KDM2B: variants seen among roughly 807,000 people sequenced by gnomAD.
The protein encoded by KDM2B is lysine demethylase 2B, also known as lysine-specific demethylase 2B.
Under a neutral mutation model 150.0 loss-of-function variants are expected in KDM2B, and 26 were observed. That is an observed-to-expected ratio of 0.17 (90% CI 0.13 to 0.24). The LOEUF is 0.24. KDM2B is among the 10% of genes least tolerant of loss of function. The pLI is 1.00. For missense variants in KDM2B, 1,265 were observed against 1,816.9 expected (o/e 0.70, Z 5.52); for synonymous variants, 734 against 729.5 (o/e 1.01, Z -0.10).
intron 13 of KDM2B, among the ~76,000 whole-genome samples, chr12:121,446,212 G>A (rs60824988): frequency 0.1 from 15,933 of 152,170 alleles, 2,235 homozygotes; most frequent in African/African-American, 0.31. Flanking sequence ...CGGCTACCAC[G>A]GTGAAACCCC....
At chr12:121,473,839 A>C (rs533951850) in intron 12 of KDM2B, among the ~76,000 whole-genome samples, 110 of 152,320 alleles carry the variant, frequency 7.2e-4, no homozygotes, top group African/African-American at 2.5e-3. Flanking sequence ...TCAAATATCC[A>C]TTTGATTTGT....
At chr12:121,496,800 A>ATAG (rs1884002263) in intron 11 of KDM2B, among the ~76,000 whole-genome samples, 2 of 130,360 alleles carry the variant, frequency 1.5e-5, no homozygotes, top group African/African-American at 5.8e-5. Context: ...TGGGATTGCG[A>ATAG]GTGTGAGCCT....
chr12:121,474,658 T>C (rs1360933547), intron 12 of KDM2B, among the ~76,000 whole-genome samples: 1 of 152,164 alleles, frequency 6.6e-6, no homozygotes, highest in Non-Finnish European at 1.5e-5. Context: ...TTTCTATGCT[T>C]AGATACAAAA....
At chr12:121,559,961 G>C (rs1890220671) in intron 4 of KDM2B, among the ~76,000 whole-genome samples, 10 of 151,506 alleles carry the variant, frequency 6.6e-5, no homozygotes, top group Admixed American at 5.9e-4. Flanking sequence ...GTAGAAATTT[G>C]ATCATTGAAA....
At chr12:121,541,934 C>G (rs1400454013) in intron 6 of KDM2B, among the ~76,000 whole-genome samples, 4 of 152,204 alleles carry the variant, frequency 2.6e-5, no homozygotes, top group African/African-American at 4.8e-5. Flanking sequence ...TGTCATAGAA[C>G]TAGGCAACTG....
rs1236950636 is a variant in KDM2B, at chr12:121,453,705, G to A, written c.1735-361C>T. 6.6e-6 allele frequency among the ~76,000 whole-genome samples: 1 copy of A among 152,138 alleles called. No homozygotes were observed. The highest frequency in any genetic ancestry group is 1.5e-5 in the Non-Finnish European group (1 of 68,028). ...AGGATGGCAGCACATACCAGGAGCT[G>A]GAGGCGCGGGGAAGGACCCTCCCCT... On this transcript the variant is annotated intron_variant, in intron 12 of 22. Transcript: ENST00000377071. The surrounding 1 kb of genome is among the most constrained non-coding windows in gnomAD (Gnocchi z 6.4).
chr12:121,442,071 A>G lies in KDM2B; in HGVS notation c.3284+86T>C, dbSNP rs1347561936. The G allele has an allele frequency of 9.0e-7, 1 of 1,114,648 alleles. No homozygotes were observed. The highest frequency in any genetic ancestry group is 1.5e-5 in the African/African-American group (1 of 64,892). 69.0% of individuals were successfully genotyped at this position (1,114,648 alleles called of 1,614,324 possible). Reference sequence around the variant, plus strand: ...GCCATACTGGGGTTTGGAAGGAAAGAGCATCGCCAGCGACTCCACACACCA... The same window carrying G: ...GCCATACTGGGGTTTGGAAGGAAAGGGCATCGCCAGCGACTCCACACACCA... On this transcript the variant is annotated intron_variant, in intron 19 of 22. Coordinates refer to ENST00000377071, the MANE Select transcript of KDM2B (RefSeq NM_032590.5). This position sits in a 1 kb window ranked among gnomAD's most constrained non-coding sequence, Gnocchi z 7.7.
the KDM2B span, among the ~76,000 whole-genome samples, chr12:121,413,434 C>T: frequency 2.5e-4 from 25 of 100,800 alleles, no homozygotes; most frequent in East Asian, 4.9e-3. Context: ...TTTTTTGAGA[C>T]GGAGTTTTGC....
In KDM2B at chr12:121,513,051, CCA is replaced by C. The variant is rs375493519; in HGVS notation, c.1174+223_1174+224del. ...CATCTACACAGCCATGGGCTGGAGG[CCA>C]CACACGTGACTCTTTTGGGGATCCG... On this transcript the variant is annotated intron_variant, in intron 10 of 22. Coordinates refer to ENST00000377071, the MANE Select transcript of KDM2B (RefSeq NM_032590.5). This position sits in a 1 kb window ranked among gnomAD's most constrained non-coding sequence, Gnocchi z 5.0. 1.1e-3 allele frequency among the ~76,000 whole-genome samples: 167 copies of C among 152,386 alleles called. 1 individual carries two copies. In the South Asian group the frequency reaches 0.026, roughly 24 times the overall value.
intron 11 of KDM2B, among the ~76,000 whole-genome samples, chr12:121,503,661 T>G (rs1884798316): frequency 6.7e-6 from 1 of 150,170 alleles, no homozygotes. Flanking sequence ...TGCTGAGAGG[T>G]GAGAAGGGGG....
chr12:121,426,452 C>CTTTT (rs138972284), downstream of KDM2B, among the ~76,000 whole-genome samples: 1 of 125,744 alleles, frequency 8.0e-6, no homozygotes, highest in African/African-American at 3.4e-5. Context: ...CCTCCCCCCC[C>CTTTT]TTTTTTTTTT....
intron 11 of KDM2B, among the ~76,000 whole-genome samples, chr12:121,500,560 T>C (rs1884441480): frequency 6.6e-6 from 1 of 152,154 alleles, no homozygotes; most frequent in Non-Finnish European, 1.5e-5. Context: ...ATGCCATGAC[T>C]AAAAATATCC....
At position 121,467,619 on chromosome 12, in the gene KDM2B, C is replaced by CGGCCT. The variant is rs1284065326; in HGVS notation, c.1735-14280_1735-14276dup. ...GGCGTGCCCCGCGCCCCGCCCGGCC[C>CGGCCT]GGCCTGGCCCGCGCGCCGCGGGATG... On this transcript the variant is annotated intron_variant, in intron 12 of 22. Transcript: ENST00000377071. This position sits in a 1 kb window ranked among gnomAD's most constrained non-coding sequence, Gnocchi z 5.1. 1.3e-5 allele frequency: 2 copies of CGGCCT among 150,018 alleles called. No homozygotes were observed. The highest frequency in any genetic ancestry group is 2.0e-4 in the East Asian group (1 of 5,116). 9.3% of individuals were successfully genotyped at this position (150,018 alleles called of 1,614,324 possible). A position where few individuals can be genotyped will look rare whatever the true frequency, so the allele number is the denominator to read the frequency against.
At position 121,520,352 on chromosome 12, in the gene KDM2B, C is replaced by G. The variant is rs1312036209; in HGVS notation, c.1047+633G>C. 6.6e-6 allele frequency among the ~76,000 whole-genome samples: 1 copy of G among 152,118 alleles called. No homozygotes were observed. Among genetic ancestry groups the G allele is most frequent in the African/African-American group, 2.4e-5 (1 of 41,406 alleles). On this transcript the variant is annotated intron_variant, in intron 9 of 22. Coordinates refer to ENST00000377071, the MANE Select transcript of KDM2B (RefSeq NM_032590.5). The surrounding 1 kb of genome is among the most constrained non-coding windows in gnomAD (Gnocchi z 4.5). The stretch of plus-strand genomic sequence containing the variant: ...ACACATCAGTTACCTAAGCCTCCGC[C>G]CATGTTCGTAGGACATGGGGTGAGT...
intron 20 of KDM2B, 36 bp from the exon 21 acceptor site, chr12:121,441,013 T>G (rs1181349784): frequency 6.2e-7 from 1 of 1,612,436 alleles, no homozygotes; most frequent in African/African-American, 1.3e-5. Context: ...GGTCAGGGGA[T>G]GTGTCCCCAG....
the KDM2B span, chr12:121,419,979 C>G: frequency 2.9e-6 from 1 of 346,480 alleles, no homozygotes; most frequent in African/African-American, 2.1e-5. Flanking sequence ...ATGGGACCTT[C>G]CTGAGAGAGT....
intron 13 of KDM2B, among the ~76,000 whole-genome samples, chr12:121,446,230 C>CTAAAAA (rs1876212757): frequency 6.6e-6 from 1 of 152,212 alleles, no homozygotes; most frequent in Non-Finnish European, 1.5e-5. Flanking sequence ...CCCGTCTCTA[C>CTAAAAA]TAAAAATACA....
chr12:121,473,330 T>G lies in KDM2B; in HGVS notation c.1735-19986A>C, dbSNP rs181486883. Among the ~76,000 whole-genome samples the G allele has an allele frequency of 4.1e-4, 61 of 150,402 alleles. 1 individual carries two copies. In the East Asian group the frequency reaches 0.011, roughly 27 times the overall value. The stretch of plus-strand genomic sequence containing the variant: ...TCGCTTGAACCTGGGAGACGGAGGT[T>G]GCAGTGAGCCGAGATGGCACCACTG... On this transcript the variant is annotated intron_variant, in intron 12 of 22. Transcript: ENST00000377071.
rs527606589 is a variant in KDM2B, at chr12:121,516,416, T to A, written c.1048-3014A>T. 7.6e-4 allele frequency: 807 copies of A among 1,068,014 alleles called. 2 individuals carry two copies. Among genetic ancestry groups the A allele is most frequent in the Middle Eastern group, 1.9e-3 (8 of 4,156 alleles). 66.2% of individuals were successfully genotyped at this position (1,068,014 alleles called of 1,614,324 possible). A position where few individuals can be genotyped will look rare whatever the true frequency, so the allele number is the denominator to read the frequency against. On this transcript the variant is annotated intron_variant, in intron 9 of 22. Coordinates refer to ENST00000377071, the MANE Select transcript of KDM2B (RefSeq NM_032590.5). ...CAAATTTTTATTTATTTATTTATTT[T>A]TTTTTCCAAGAGAGGACTGCGGGAA...
Sources: gnomAD v4.1 joint callset for allele counts (sites outside exome capture counted in the v4.1 genomes callset) on GRCh38, gnomAD v4.1.1 for gene constraint, Gnocchi (gnomAD v3.1) non-coding constraint, MANE v1.5 for transcripts, NCBI Gene and HGNC (gene_info 2026-07-23, HGNC 2026-07-21) for gene names.